The following FBXO36 variants were observed in gnomAD, a reference collection of about 807,000 sequenced individuals.
The protein encoded by FBXO36 is F-box only protein 36.
Under a neutral mutation model 17.0 loss-of-function variants are expected in FBXO36, and 18 were observed. The observed-to-expected ratio is 1.06, with a 90% CI of 0.73 to 1.57. The LOEUF is 1.57. Ranked by LOEUF, FBXO36 falls within the 40% of genes most tolerant of loss-of-function variation. The pLI, the probability that FBXO36 is intolerant of heterozygous loss-of-function variation, is 0.00. For synonymous variants in FBXO36, 83 were observed against 85.3 expected (o/e 0.97, Z 0.15); for missense variants, 229 against 221.9 (o/e 1.03, Z -0.20).
Position 229,956,900 on chromosome 2 carries a change from T to C in FBXO36, c.97-19341T>C, listed in dbSNP as rs930402439. ...ACACCCCTGGGGTCTCTTCCCCTTATTCTAAGAACCCCAGTCCTATTGAAT... is the reference window on the plus strand; with the variant it reads ...ACACCCCTGGGGTCTCTTCCCCTTACTCTAAGAACCCCAGTCCTATTGAAT... On this transcript the variant is annotated intron_variant, in intron 1 of 3. Transcript: ENST00000283946. 4.6e-5 allele frequency among the ~76,000 whole-genome samples: 7 copies of C among 152,284 alleles called. No individual in the cohort carries two copies. The East Asian group carries it at 5.8e-4, about 13-fold the overall frequency.
intron 1 of FBXO36, among the ~76,000 whole-genome samples, chr2:229,972,294 G>A (rs1323909304): frequency 3.3e-5 from 5 of 152,058 alleles, no homozygotes; most frequent in Non-Finnish European, 7.4e-5. Flanking sequence ...CACCGTGCCC[G>A]GCCTACCAAG....
intron 2 of FBXO36, among the ~76,000 whole-genome samples, chr2:229,995,998 G>A (rs2077325018): frequency 1.3e-5 from 2 of 151,996 alleles, no homozygotes; most frequent in South Asian, 4.2e-4. Flanking sequence ...ATAACAGGCT[G>A]GGTGTGGTGT....
chr2:229,938,844 C>G (rs1321473110), intron 1 of FBXO36, among the ~76,000 whole-genome samples: 24 of 147,752 alleles, frequency 1.6e-4, no homozygotes, highest in African/African-American at 5.7e-4. Context: ...ACCGCAACCT[C>G]TGCCTCCTGG....
At chr2:229,945,978 C>T (rs1001163537) in intron 1 of FBXO36, among the ~76,000 whole-genome samples, 10 of 150,502 alleles carry the variant, frequency 6.6e-5, no homozygotes, top group Admixed American at 6.6e-5. Flanking sequence ...GCTGAGATTA[C>T]GCCATTGTAC....
intron 2 of FBXO36, among the ~76,000 whole-genome samples, chr2:229,995,554 T>TTTCC (rs1168483826): frequency 2.6e-4 from 37 of 140,268 alleles, no homozygotes; most frequent in South Asian, 2.0e-3. Context: ...TTTCTCTTTC[T>TTTCC]TTCCTTCCTT....
At position 229,946,049 on chromosome 2, in the gene FBXO36, A is replaced by C. The variant is rs917789350; in HGVS notation, c.96+23440A>C. 2.0e-5 allele frequency among the ~76,000 whole-genome samples: 3 copies of C among 151,580 alleles called. No homozygotes were observed. In the South Asian group the frequency reaches 6.2e-4, roughly 31 times the overall value. On this transcript the variant is annotated intron_variant, in intron 1 of 3. Transcript: ENST00000283946. Reference sequence around the variant, plus strand: ...AAAAAAAAAAAAAGACAAAACTGGTAATTGGGAGGATGAAAAGGAAGTAAA... The same window carrying C: ...AAAAAAAAAAAAAGACAAAACTGGTCATTGGGAGGATGAAAAGGAAGTAAA...
intron 1 of FBXO36, among the ~76,000 whole-genome samples, chr2:229,945,625 T>G (rs927359888): frequency 6.0e-5 from 9 of 150,812 alleles, no homozygotes; most frequent in African/African-American, 1.7e-4. Context: ...AATTTCTCCC[T>G]TAATTTGTGC....
Position 229,931,916 on chromosome 2 carries a change from A to AT in FBXO36, c.96+9308dup, listed in dbSNP as rs1460630652. ...TTTGGTTTTTTGCTTGTATATGTGT[A>AT]TATATTTTTTTTTTTTTTTAGACAG... On this transcript the variant is annotated intron_variant, in intron 1 of 3. Coordinates refer to ENST00000283946, the MANE Select transcript of FBXO36 (RefSeq NM_174899.5). Among the ~76,000 whole-genome samples the AT allele has an allele frequency of 3.0e-4, 34 of 112,050 alleles. 2 individuals carry two copies. Among genetic ancestry groups the AT allele is most frequent in the Middle Eastern group, 5.1e-3 (1 of 196 alleles). The allele number at this position is 112,050 out of a possible 152,430, so 73.5% of individuals were successfully genotyped here. A position where few individuals can be genotyped will look rare whatever the true frequency, so the allele number is the denominator to read the frequency against.
At chr2:229,943,270 A>G (rs1577332399) in intron 1 of FBXO36, 2 of 152,276 alleles carry the variant, frequency 1.3e-5, no homozygotes, top group East Asian at 3.9e-4. Flanking sequence ...AGGTAAGTCA[A>G]TAGGCCTCTT....
chr2:229,995,588 C>CTTTTTTTTTTTTTTTTTTTTT (rs1560454291), intron 2 of FBXO36, among the ~76,000 whole-genome samples: 1 of 121,344 alleles, frequency 8.2e-6, no homozygotes, highest in Non-Finnish European at 1.7e-5. Context: ...CTTTCTCTTT[C>CTTTTTTTTTTTTTTTTTTTTT]TTTCTTTCTT....
chr2:229,992,397 A>T (rs543072967), intron 2 of FBXO36, among the ~76,000 whole-genome samples: 1 of 152,248 alleles, frequency 6.6e-6, no homozygotes, highest in African/African-American at 2.4e-5. Flanking sequence ...ACCCCAAGTG[A>T]TCTGCCTGCC....
chr2:229,993,145 C>T (rs2077306344), intron 2 of FBXO36, among the ~76,000 whole-genome samples: 1 of 152,144 alleles, frequency 6.6e-6, no homozygotes, highest in Admixed American at 6.6e-5. Context: ...TACCCCAAAA[C>T]ATGTTGATTT....
At chr2:229,986,773 G>A (rs1050602566) in intron 2 of FBXO36, among the ~76,000 whole-genome samples, 2 of 151,748 alleles carry the variant, frequency 1.3e-5, no homozygotes, top group Non-Finnish European at 2.9e-5. Flanking sequence ...GACCTCAGGT[G>A]ATCCACCCAC....
At chr2:229,967,091 A>G (rs2077157395) in intron 1 of FBXO36, among the ~76,000 whole-genome samples, 1 of 152,176 alleles carries the variant, frequency 6.6e-6, no homozygotes, top group Admixed American at 6.6e-5. Flanking sequence ...GAGGTCCTTC[A>G]CATCCCTTGT....
intron 1 of FBXO36, among the ~76,000 whole-genome samples, chr2:229,927,581 C>G (rs1019939880): frequency 2.0e-5 from 3 of 152,108 alleles, no homozygotes. Flanking sequence ...CTGGCAGATA[C>G]GGCCTCTTGC....
intron 3 of FBXO36, among the ~76,000 whole-genome samples, chr2:230,000,684 G>A (rs1012315472): frequency 1.3e-5 from 2 of 151,876 alleles, no homozygotes; most frequent in African/African-American, 2.4e-5. Context: ...TATTATTTCA[G>A]TGCAGTCTTG....
intron 2 of FBXO36, among the ~76,000 whole-genome samples, chr2:229,994,231 G>A (rs1449248784): frequency 6.6e-6 from 1 of 152,060 alleles, no homozygotes; most frequent in Non-Finnish European, 1.5e-5. Flanking sequence ...TTCTGCTGGT[G>A]GGCAGAGGAT....
At chr2:229,927,962 C>T (rs918581704) in intron 1 of FBXO36, among the ~76,000 whole-genome samples, 6 of 152,090 alleles carry the variant, frequency 3.9e-5, no homozygotes, top group Admixed American at 3.9e-4. Context: ...TGAGCTAGTG[C>T]CATTTCATAC....
rs1451945248 is a variant in FBXO36 at position 229,969,683 on chromosome 2, C to G, written c.97-6558C>G. Among the ~76,000 whole-genome samples the G allele has an allele frequency of 2.6e-5, 4 of 151,638 alleles. No individual in the cohort carries two copies. In the South Asian group the frequency reaches 8.3e-4, roughly 32 times the overall value. ...AGTCTGGGTGACAGAGACTCTGTCT[C>G]AGAAAAATAAAAAATAAAAATAAAA... is the stretch of plus-strand genomic sequence containing the variant. On this transcript the variant is annotated intron_variant, in intron 1 of 3. Transcript: ENST00000283946.
Sources: allele counts gnomAD v4.1 joint callset (sites outside exome capture counted in the v4.1 genomes callset), GRCh38; gene constraint gnomAD v4.1.1; transcripts MANE v1.5; gene names NCBI Gene and HGNC (gene_info 2026-07-23, HGNC 2026-07-21).